Variants in CEP57 observed in about 807,000 individuals in gnomAD.
The protein encoded by CEP57 is centrosomal protein 57, also known as centrosomal protein of 57 kDa.
A neutral mutation model predicts 68.0 loss-of-function variants in CEP57; 40 were observed. The ratio of observed to expected loss-of-function variants is 0.59; its 90% confidence interval spans 0.46 to 0.77. The LOEUF is 0.77. Among genes scored for constraint, CEP57 ranks in the 30% least tolerant of loss-of-function variants. The pLI, the probability that CEP57 is intolerant of heterozygous loss-of-function variation, is 0.00. For synonymous variants in CEP57, 219 were observed against 198.7 expected (o/e 1.10, Z -0.86); for missense variants, 606 against 580.7 (o/e 1.04, Z -0.45).
At chr11:95,813,263 T>G (rs1862150338) in intron 3 of CEP57, 152 bp downstream of exon 3, 2 of 998,024 alleles carry the variant, frequency 2.0e-6, no homozygotes, top group Non-Finnish European at 3.0e-6. Flanking sequence ...GAGCAAATGC[T>G]GTTGTCATAC....
At chr11:95,799,724 G>A (rs1370721735) in intron 2 of CEP57, among the ~76,000 whole-genome samples, 10 of 152,034 alleles carry the variant, frequency 6.6e-5, no homozygotes. Flanking sequence ...CTTTGGTTCA[G>A]GCTTTCATCA....
At chr11:95,829,383 ACTT>A in intron 10 of CEP57, 52 bp downstream of exon 10, 2 of 1,285,242 alleles carry the variant, frequency 1.6e-6, no homozygotes, top group Non-Finnish European at 2.3e-6. Context: ...AAAAAAAAAC[ACTT>A]TAATTCAAAT....
intron 1 of CEP57, among the ~76,000 whole-genome samples, chr11:95,796,794 C>A (rs1443357382): frequency 6.6e-6 from 1 of 152,192 alleles, no homozygotes; most frequent in African/African-American, 2.4e-5. Flanking sequence ...TTCTGCTCAG[C>A]TGACTACAAA....
chr11:95,814,849 T>C (rs750798549), intron 4 of CEP57, among the ~76,000 whole-genome samples: 21 of 152,292 alleles, frequency 1.4e-4, no homozygotes, highest in African/African-American at 4.8e-4. Flanking sequence ...CATGAGTGAA[T>C]TGGTTCTCAG....
At chr11:95,795,889 A>T (rs1331514084) in intron 1 of CEP57, among the ~76,000 whole-genome samples, 1 of 152,200 alleles carries the variant, frequency 6.6e-6, no homozygotes, top group Non-Finnish European at 1.5e-5. Flanking sequence ...GTATTCATTA[A>T]CCTGGAAATA....
chr11:95,794,207 T>C (rs1861230134), intron 1 of CEP57: 1 of 380,456 alleles, frequency 2.6e-6, no homozygotes, highest in Admixed American at 2.9e-5. Flanking sequence ...GTGATTTTTC[T>C]TTTTTTTTTC....
chr11:95,821,321 T>A (rs1038770414), intron 6 of CEP57, among the ~76,000 whole-genome samples: 1 of 152,216 alleles, frequency 6.6e-6, no homozygotes, highest in Non-Finnish European at 1.5e-5. Flanking sequence ...AGGTTATTTT[T>A]AAATTAGTAT....
At chr11:95,818,040 A>G in intron 5 of CEP57, 137 bp downstream of exon 5, 1 of 663,582 alleles carries the variant, frequency 1.5e-6, no homozygotes, top group Non-Finnish European at 2.7e-6. Flanking sequence ...TTTAAAAAGA[A>G]AATATAAATT....
At chr11:95,830,930 T>G in intron 10 of CEP57, 96 bp from the exon 11 acceptor site, 2 of 901,270 alleles carry the variant, frequency 2.2e-6, no homozygotes, top group Non-Finnish European at 3.6e-6. Flanking sequence ...GCATGAGAGT[T>G]AACCAAAAAA....
intron 6 of CEP57, among the ~76,000 whole-genome samples, chr11:95,820,287 G>A (rs540509515): frequency 1.3e-5 from 2 of 152,148 alleles, no homozygotes; most frequent in Non-Finnish European, 2.9e-5. Context: ...AGGGATAGAT[G>A]TGTGGTTCCA....
Position 95,821,860 on chromosome 11 carries a change from A to AT in CEP57, c.700-6dup. 1.3e-6 allele frequency: 2 copies of AT among 1,575,276 alleles called. No homozygotes were observed. Among genetic ancestry groups the AT allele is most frequent in the Non-Finnish European group, 1.7e-6 (2 of 1,146,384 alleles). On this transcript the variant is annotated splice_polypyrimidine_tract_variant and intron_variant, in intron 6 of 10. Transcript: ENST00000325542. ...TCTACAGCATTAACTTGAGGCTCTC[A>AT]TTTTTCCTAGTTGCAGACTGGTCTA... is the stretch of plus-strand genomic sequence containing the variant.
At chr11:95,795,478 T>C (rs1861301268) in intron 1 of CEP57, 3 of 442,044 alleles carry the variant, frequency 6.8e-6, no homozygotes, top group East Asian at 7.0e-5. Flanking sequence ...TTCTTCCTTT[T>C]CAATCTTAAT....
intron 2 of CEP57, among the ~76,000 whole-genome samples, chr11:95,800,563 T>A (rs1170534712): frequency 1.3e-5 from 2 of 152,016 alleles, no homozygotes; most frequent in Non-Finnish European, 2.9e-5. Context: ...AGCTAGTTTT[T>A]GTATTTTTAG....
intron 1 of CEP57, among the ~76,000 whole-genome samples, chr11:95,793,730 T>G (rs1359388941): frequency 6.6e-6 from 1 of 152,214 alleles, no homozygotes; most frequent in East Asian, 1.9e-4. Context: ...CTTTTTCAAA[T>G]GAGCAAAATG....
chr11:95,798,271 G>C (rs1266583034), intron 1 of CEP57, among the ~76,000 whole-genome samples: 2 of 152,088 alleles, frequency 1.3e-5, no homozygotes, highest in Non-Finnish European at 2.9e-5. Context: ...AAATTTGCAT[G>C]ATTTTTAACA....
intron 8 of CEP57, chr11:95,826,653 CT>C (rs1459420286): frequency 2.6e-5 from 4 of 152,176 alleles, no homozygotes; most frequent in African/African-American, 9.7e-5. Flanking sequence ...GTCGGTGCCC[CT>C]AACCCCTCCA....
Position 95,812,985 on chromosome 11 carries a change from G to C in CEP57, c.256G>C (p.Glu86Gln), listed in dbSNP as rs1164730107. Residue 86 changes from glutamate (E) to glutamine (Q), a missense_variant, in exon 3 of 11, where the codon GAG becomes CAG. Physicochemically the swap from Glu to Gln is conservative, Grantham distance 29. Coordinates refer to ENST00000325542, the MANE Select transcript of CEP57 (RefSeq NM_014679.5). Reference sequence around the variant, plus strand: ...AGATAAGATTCGACGCTTGGAACTTGAGAGGATTCAGGCAGAAGAAAGTGT... The same window carrying C: ...AGATAAGATTCGACGCTTGGAACTTCAGAGGATTCAGGCAGAAGAAAGTGT... ...LQDKIRRLEL[E>Q]RIQAEESVKT... 2.5e-6 allele frequency: 4 copies of C among 1,613,960 alleles called. No homozygotes were observed. The highest frequency in any genetic ancestry group is 2.5e-6 in the Non-Finnish European group (3 of 1,180,016).
chr11:95,812,160 T>C lies in CEP57; in HGVS notation c.203-772T>C, dbSNP rs147341493. 2.3e-3 allele frequency among the ~76,000 whole-genome samples: 351 copies of C among 152,254 alleles called. 3 individuals are homozygous for C. The highest frequency in any genetic ancestry group is 8.1e-3 in the African/African-American group (335 of 41,570). ...GCGGATTTTAAAAGTATTATTTTTG[T>C]GTGCTTGACTGTAACTCTATAGTTG... is the stretch of plus-strand genomic sequence containing the variant. On this transcript the variant is annotated intron_variant, in intron 2 of 10. Coordinates refer to ENST00000325542, the MANE Select transcript of CEP57 (RefSeq NM_014679.5).
chr11:95,795,541 A>G, intron 1 of CEP57: 1 of 537,062 alleles, frequency 1.9e-6, no homozygotes, highest in East Asian at 3.3e-5. Flanking sequence ...AATGAAGTAC[A>G]ATGTTGACCA....
Sources: gnomAD v4.1 joint callset for allele counts (sites outside exome capture counted in the v4.1 genomes callset) on GRCh38, gnomAD v4.1.1 for gene constraint, MANE v1.5 for transcripts, NCBI Gene and HGNC (gene_info 2026-07-23, HGNC 2026-07-21) for gene names.